Variants in RAD51B observed in about 807,000 individuals in gnomAD.
RAD51B encodes RAD51 paralog B.
RAD51B carries 38 observed loss-of-function variants against 42.2 expected under a neutral mutation model. The observed-to-expected ratio is 0.90, with a 90% confidence interval of 0.70 to 1.18. RAD51B has a LOEUF of 1.18. Ranked by LOEUF, RAD51B falls within the 50% of genes most tolerant of loss-of-function variation. RAD51B has a pLI of 0.00. For synonymous variants in RAD51B, 154 were observed against 145.2 expected (o/e 1.06, Z -0.43); for missense variants, 373 against 400.7 (o/e 0.93, Z 0.59).
intron 7 of RAD51B, among the ~76,000 whole-genome samples, chr14:68,094,507 T>C (rs938696934): frequency 1.5e-4 from 23 of 152,182 alleles, no homozygotes; most frequent in Non-Finnish European, 2.8e-4. Context: ...CACACACACA[T>C]ATATGTAAAA....
At chr14:68,647,387 C>A (rs1358712036) in intron 10 of RAD51B, among the ~76,000 whole-genome samples, 1 of 152,064 alleles carries the variant, frequency 6.6e-6, no homozygotes, top group African/African-American at 2.4e-5. Context: ...TTAAGAATTT[C>A]TTGGCTTTTG....
intron 9 of RAD51B, among the ~76,000 whole-genome samples, chr14:68,460,844 A>G (rs1474861848): frequency 1.3e-5 from 2 of 152,192 alleles, no homozygotes; most frequent in African/African-American, 2.4e-5. Flanking sequence ...GCTGTTTTCT[A>G]TGGCATTTTC....
intron 2 of RAD51B, 137 bp downstream of exon 2, chr14:67,823,764 T>C (rs1333507985): frequency 1.6e-6 from 1 of 634,736 alleles, no homozygotes; most frequent in East Asian, 3.0e-5. Context: ...CATAGGCTAA[T>C]TGTAAATATC....
rs977660124 is a variant in RAD51B at position 67,819,782 on chromosome 14, G to T, written c.-74G>T. The T allele has an allele frequency of 1.3e-5, 2 of 152,186 alleles. No homozygotes were observed. Among genetic ancestry groups the T allele is most frequent in the African/African-American group, 2.4e-5 (1 of 41,436 alleles). The allele number at this position is 152,186 out of a possible 1,614,324, so 9.4% of individuals were successfully genotyped here. A position where few individuals can be genotyped will look rare whatever the true frequency, so the allele number is the denominator to read the frequency against. Reference sequence around the variant, plus strand: ...CGACTCAATCAGTGCTTCGGTTGTTGCTTTGCGGCGTTTTCCGCGGGGAAA... The same window carrying T: ...CGACTCAATCAGTGCTTCGGTTGTTTCTTTGCGGCGTTTTCCGCGGGGAAA... On this transcript the variant is annotated 5_prime_UTR_variant, in exon 1 of 11. Coordinates refer to ENST00000471583, the MANE Select transcript of RAD51B (RefSeq NM_133510.4).
rs2078989142 is a variant in RAD51B at position 68,177,769 on chromosome 14, G to C, written c.757-114115G>C. Reference sequence around the variant, plus strand: ...TTAACTCTCCAGCCGAGATGTTCAAGCTTTCTGGCATTTGACTAACGTTTT... The same window carrying C: ...TTAACTCTCCAGCCGAGATGTTCAACCTTTCTGGCATTTGACTAACGTTTT... On this transcript the variant is annotated intron_variant, in intron 7 of 10. Transcript: ENST00000471583. Among the ~76,000 whole-genome samples, 3 of 151,982 alleles carry C rather than the reference G, an allele frequency of 2.0e-5. 1 individual carries two copies. The South Asian group carries it at 6.2e-4, about 32-fold the overall frequency.
intron 7 of RAD51B, among the ~76,000 whole-genome samples, chr14:68,209,490 TAGA>T (rs2079658002): frequency 6.6e-6 from 1 of 152,252 alleles, no homozygotes; most frequent in African/African-American, 2.4e-5. Context: ...GATTCCCTTC[TAGA>T]AGATGAGTTT....
chr14:68,379,391 G>A (rs964700884), intron 8 of RAD51B, among the ~76,000 whole-genome samples: 1 of 152,184 alleles, frequency 6.6e-6, no homozygotes, highest in African/African-American at 2.4e-5. Flanking sequence ...GGGGAAAACA[G>A]AGGGACTGCT....
intron 10 of RAD51B, among the ~76,000 whole-genome samples, chr14:68,648,869 G>A (rs1242531168): frequency 6.6e-6 from 1 of 151,744 alleles, no homozygotes; most frequent in Non-Finnish European, 1.5e-5. Context: ...TGACCCTGTG[G>A]GGAGTATCAG....
At chr14:68,015,668 T>G in intron 7 of RAD51B, among the ~76,000 whole-genome samples, 1 of 152,164 alleles carries the variant, frequency 6.6e-6, no homozygotes, top group African/African-American at 2.4e-5. Flanking sequence ...TACCTCCCAC[T>G]GGGTCCCTCC....
At chr14:68,435,660 C>T (rs532678150) in intron 9 of RAD51B, among the ~76,000 whole-genome samples, 1 of 152,232 alleles carries the variant, frequency 6.6e-6, no homozygotes, top group Non-Finnish European at 1.5e-5. Context: ...TGAGCATTTT[C>T]TTCTCTCCAC....
Position 68,477,966 on chromosome 14 carries a change from C to T in RAD51B, c.*302C>T. 1 of 1,167,810 alleles carries T rather than the reference C, an allele frequency of 8.6e-7. No individual in the cohort carries two copies. Among genetic ancestry groups the T allele is most frequent in the Non-Finnish European group, 1.1e-6 (1 of 946,372 alleles). The allele number at this position is 1,167,810 out of a possible 1,614,324, so 72.3% of individuals were successfully genotyped here. The stretch of plus-strand genomic sequence containing the variant: ...ACTTATATAGCACCTTTCAACCAGG[C>T]ACCTCAAAGCGGTTTAACCACATTA... On this transcript the variant is annotated 3_prime_UTR_variant, in exon 11 of 11. Transcript: ENST00000471583.
At chr14:67,914,350 T>G (rs1217048814) in intron 7 of RAD51B, among the ~76,000 whole-genome samples, 1 of 152,150 alleles carries the variant, frequency 6.6e-6, no homozygotes, top group Non-Finnish European at 1.5e-5. Context: ...TGTGTCCGAC[T>G]TATTTTACAC....
At chr14:68,421,106 A>T (rs543385686) in intron 9 of RAD51B, among the ~76,000 whole-genome samples, 1 of 152,312 alleles carries the variant, frequency 6.6e-6, no homozygotes, top group East Asian at 1.9e-4. Flanking sequence ...AAGCAGTGAG[A>T]TGAGGAGCTT....
chr14:68,172,991 A>G (rs547420516), intron 7 of RAD51B, among the ~76,000 whole-genome samples: 1 of 152,238 alleles, frequency 6.6e-6, no homozygotes, highest in African/African-American at 2.4e-5. Context: ...GATGTGGCTA[A>G]TTATACAGCT....
intron 4 of RAD51B, among the ~76,000 whole-genome samples, chr14:67,857,140 C>T (rs1007546647): frequency 3.3e-5 from 5 of 151,720 alleles, no homozygotes; most frequent in African/African-American, 1.2e-4. Context: ...ATGTTTTCAC[C>T]CACTAAATAA....
chr14:68,550,206 T>C (rs1387663738), intron 10 of RAD51B, among the ~76,000 whole-genome samples: 1 of 152,240 alleles, frequency 6.6e-6, no homozygotes, highest in Non-Finnish European at 1.5e-5. Flanking sequence ...CTTTTCCTCC[T>C]GGAAATGTGG....
At chr14:68,380,840 TG>T (rs2083464630) in intron 8 of RAD51B, among the ~76,000 whole-genome samples, 1 of 152,236 alleles carries the variant, frequency 6.6e-6, no homozygotes, top group Non-Finnish European at 1.5e-5. Flanking sequence ...GGCTGTGATT[TG>T]TGTACACCCA....
chr14:68,435,353 T>C (rs1239175161), intron 9 of RAD51B, among the ~76,000 whole-genome samples: 3 of 152,230 alleles, frequency 2.0e-5, no homozygotes, highest in Non-Finnish European at 4.4e-5. Context: ...GCAAACGATA[T>C]GACTTCATTC....
intron 10 of RAD51B, among the ~76,000 whole-genome samples, chr14:68,470,145 A>T (rs1256597361): frequency 6.6e-6 from 1 of 152,246 alleles, no homozygotes; most frequent in Non-Finnish European, 1.5e-5. Flanking sequence ...AGCTGTGTCC[A>T]GGAAAGAGAA....
Sources: gnomAD v4.1 joint callset for allele counts (sites outside exome capture counted in the v4.1 genomes callset) on GRCh38, gnomAD v4.1.1 for gene constraint, MANE v1.5 for transcripts, NCBI Gene and HGNC (gene_info 2026-07-23, HGNC 2026-07-21) for gene names.